The following ANKRD30A variants were observed in gnomAD, a reference collection of about 807,000 sequenced individuals.
The protein encoded by ANKRD30A is ankyrin repeat domain-containing protein 30A.
Under a neutral mutation model 166.3 loss-of-function variants are expected in ANKRD30A, and 170 were observed. The observed-to-expected ratio is 1.02, with a 90% CI of 0.90 to 1.16. The LOEUF is 1.16. Ranked by LOEUF, ANKRD30A falls within the 50% of genes most tolerant of loss-of-function variation. The pLI is 0.00. For missense variants in ANKRD30A, 1,630 were observed against 1,518.0 expected (o/e 1.07, Z -1.23); for synonymous variants, 564 against 508.9 (o/e 1.11, Z -1.46).
At chr10:37,155,165 A>G (rs1838269996) in intron 13 of ANKRD30A, among the ~76,000 whole-genome samples, 2 of 152,230 alleles carry the variant, frequency 1.3e-5, no homozygotes, top group Non-Finnish European at 2.9e-5. Flanking sequence ...ATTTTAACAT[A>G]GAAAATGTTA....
chr10:37,230,048 A>G (rs1272768736), intron 34 of ANKRD30A, among the ~76,000 whole-genome samples: 1 of 152,004 alleles, frequency 6.6e-6, no homozygotes, highest in Non-Finnish European at 1.5e-5. Flanking sequence ...AAGAAAACCT[A>G]TAGCACTTAA....
At chr10:37,190,532 G>GGT (rs1425607127) in intron 25 of ANKRD30A, among the ~76,000 whole-genome samples, 34 of 151,900 alleles carry the variant, frequency 2.2e-4, no homozygotes, top group Admixed American at 1.6e-3. Flanking sequence ...AATGTTAACA[G>GGT]GTGTCGAATG....
At chr10:37,159,673 T>C (rs1298508755) in intron 15 of ANKRD30A, among the ~76,000 whole-genome samples, 1 of 152,160 alleles carries the variant, frequency 6.6e-6, no homozygotes, top group Non-Finnish European at 1.5e-5. Context: ...TTTTCTTCTA[T>C]TTTTGTTTGT....
intron 17 of ANKRD30A, 109 bp downstream of exon 17, chr10:37,162,957 G>C (rs1367054007): frequency 1.5e-6 from 2 of 1,376,254 alleles, no homozygotes; most frequent in Non-Finnish European, 2.0e-6. Flanking sequence ...GAAAAGATTT[G>C]ATCTAGATAA....
downstream of ANKRD30A, among the ~76,000 whole-genome samples, chr10:37,235,074 A>G (rs1369822309): frequency 6.6e-6 from 1 of 152,226 alleles, no homozygotes; most frequent in Non-Finnish European, 1.5e-5. Context: ...GCAATCATTC[A>G]TAAGGCAAAT....
intron 35 of ANKRD30A, among the ~76,000 whole-genome samples, chr10:37,232,221 T>C (rs1203542288): frequency 6.6e-6 from 1 of 152,006 alleles, no homozygotes; most frequent in Non-Finnish European, 1.5e-5. Context: ...TGTTTTGTTT[T>C]AAAGCTAAAA....
rs1837399313 is a variant in ANKRD30A at position 37,145,032 on chromosome 10, TGAA to T, written c.1435_1437del (p.Glu479del). ...CATCAGAATCCAAACAAGAGGAAGATGAAGAATATTCTTGTGATTCTCGGGTAT... is the reference window on the plus strand; with the variant it reads ...CATCAGAATCCAAACAAGAGGAAGATGAATATTCTTGTGATTCTCGGGTAT... On this transcript the variant is annotated inframe_deletion, in exon 8 of 36. Transcript: ENST00000361713. 3 of 1,600,010 alleles carry T rather than the reference TGAA, an allele frequency of 1.9e-6. No individual in the cohort carries two copies. Among genetic ancestry groups the T allele is most frequent in the South Asian group, 1.1e-5 (1 of 87,880 alleles).
intron 3 of ANKRD30A, 83 bp downstream of exon 3, chr10:37,130,461 G>T: frequency 8.9e-7 from 1 of 1,119,290 alleles, no homozygotes. Flanking sequence ...TTTATATTTG[G>T]AAGCTCAAAC....
the ANKRD30A span, among the ~76,000 whole-genome samples, chr10:37,260,342 C>G: frequency 1.3e-5 from 2 of 152,062 alleles, no homozygotes; most frequent in African/African-American, 4.8e-5. Context: ...TAATAAAGTC[C>G]TGCCTAAGCT....
chr10:37,246,195 C>G, the ANKRD30A span, among the ~76,000 whole-genome samples: 4 of 152,296 alleles, frequency 2.6e-5, 1 homozygote, highest in South Asian at 6.2e-4. Context: ...TACTAGGTCT[C>G]AAAGTTTCAT....
chr10:37,199,929 G>A (rs1355494404), intron 30 of ANKRD30A, 141 bp downstream of exon 30: 20 of 505,624 alleles, frequency 4.0e-5, no homozygotes, highest in Non-Finnish European at 7.0e-5. Flanking sequence ...ATGCTTAATA[G>A]AGAATCTATG....
At chr10:37,161,417 A>T (rs1482061030) in intron 15 of ANKRD30A, among the ~76,000 whole-genome samples, 1 of 152,196 alleles carries the variant, frequency 6.6e-6, no homozygotes, top group African/African-American at 2.4e-5. Context: ...TTGTATGGGA[A>T]GAATTCTACA....
chr10:37,183,540 A>C (rs4083939), intron 24 of ANKRD30A, among the ~76,000 whole-genome samples: 11,932 of 138,316 alleles, frequency 0.086, 1,482 homozygotes, highest in Middle Eastern at 0.14. Context: ...CAAAATCAAA[A>C]TTTTGTTTAT....
At chr10:37,221,025 C>A (rs1842872603) in intron 34 of ANKRD30A, among the ~76,000 whole-genome samples, 2 of 149,558 alleles carry the variant, frequency 1.3e-5, no homozygotes. Flanking sequence ...TAGAATTTAC[C>A]ACCATTAGTC....
At chr10:37,151,264 A>T (rs1178688830) in intron 11 of ANKRD30A, among the ~76,000 whole-genome samples, 2 of 151,986 alleles carry the variant, frequency 1.3e-5, no homozygotes, top group East Asian at 1.9e-4. Flanking sequence ...GTATAAATTC[A>T]TTTTCTGTCT....
At chr10:37,134,107 T>C in intron 5 of ANKRD30A, 54 bp downstream of exon 5, 1 of 1,592,600 alleles carries the variant, frequency 6.3e-7, no homozygotes, top group African/African-American at 1.3e-5. Context: ...TTTCAGGTAG[T>C]TTTTGAATTA....
chr10:37,139,377 G>C (rs1386430806), intron 6 of ANKRD30A, among the ~76,000 whole-genome samples: 1 of 152,158 alleles, frequency 6.6e-6, no homozygotes, highest in Non-Finnish European at 1.5e-5. Flanking sequence ...TATTAGTAAA[G>C]TTTTAATGAC....
At chr10:37,227,638 G>C (rs1222591031) in intron 34 of ANKRD30A, among the ~76,000 whole-genome samples, 1 of 151,940 alleles carries the variant, frequency 6.6e-6, no homozygotes, top group Non-Finnish European at 1.5e-5. Context: ...CCCATGGCCA[G>C]CTTATGCACT....
intron 7 of ANKRD30A, among the ~76,000 whole-genome samples, chr10:37,143,554 T>C (rs1837298059): frequency 6.6e-6 from 1 of 152,126 alleles, no homozygotes; most frequent in African/African-American, 2.4e-5. Flanking sequence ...CCTAGGAGGC[T>C]GAGGCAGGAG....
Sources: allele counts gnomAD v4.1 joint callset (sites outside exome capture counted in the v4.1 genomes callset), GRCh38; gene constraint gnomAD v4.1.1; transcripts MANE v1.5; gene names NCBI Gene and HGNC (gene_info 2026-07-23, HGNC 2026-07-21).